The following SCFD2 variants were observed in gnomAD, a reference collection of about 807,000 sequenced individuals.
The protein encoded by SCFD2 is sec1 family domain containing 2.
In SCFD2, 54 loss-of-function variants were observed where a neutral mutation model predicts 58.9. The observed-to-expected ratio is 0.92, with a 90% CI of 0.74 to 1.15. The LOEUF (loss-of-function observed/expected upper bound fraction) is 1.15, where lower values mean the gene tolerates loss of function less well. Ranked by LOEUF, SCFD2 falls within the 50% of genes most tolerant of loss-of-function variation. The pLI, the probability that SCFD2 is intolerant of heterozygous loss-of-function variation, is 0.00. For missense variants in SCFD2, 805 were observed against 836.6 expected (o/e 0.96, Z 0.47); for synonymous variants, 321 against 335.9 (o/e 0.96, Z 0.49).
At chr4:53,202,002 T>C (rs1472669537) in intron 4 of SCFD2, among the ~76,000 whole-genome samples, 2 of 152,230 alleles carry the variant, frequency 1.3e-5, no homozygotes, top group Non-Finnish European at 2.9e-5. Flanking sequence ...GGTAGTTTCT[T>C]CTGCTGTGCA....
At chr4:53,237,966 A>C (rs1386024563) in intron 4 of SCFD2, among the ~76,000 whole-genome samples, 9 of 82,446 alleles carry the variant, frequency 1.1e-4, no homozygotes, top group South Asian at 4.5e-4. Context: ...TGACCCCCCC[A>C]CCTCCCTCCC....
At chr4:53,024,794 T>C (rs939812236) in intron 5 of SCFD2, among the ~76,000 whole-genome samples, 29 of 152,086 alleles carry the variant, frequency 1.9e-4, no homozygotes, top group African/African-American at 7.0e-4. Flanking sequence ...AGAGTCCCTT[T>C]AACTCTGGTC....
intron 4 of SCFD2, among the ~76,000 whole-genome samples, chr4:53,157,941 A>G (rs1264088365): frequency 6.6e-6 from 1 of 152,226 alleles, no homozygotes; most frequent in Admixed American, 6.5e-5. Context: ...CTTAATGTTC[A>G]TGTAAATTAT....
At chr4:52,973,204 C>T (rs561241934) in intron 5 of SCFD2, among the ~76,000 whole-genome samples, 1 of 152,154 alleles carries the variant, frequency 6.6e-6, no homozygotes, top group East Asian at 1.9e-4. Flanking sequence ...ACAAAAAACC[C>T]TTCAAAAAAA....
chr4:53,252,108 A>G (rs1433478978), intron 4 of SCFD2, among the ~76,000 whole-genome samples: 1 of 148,736 alleles, frequency 6.7e-6, no homozygotes, highest in Non-Finnish European at 1.5e-5. Flanking sequence ...ACAGAGAGCC[A>G]AATCATGAGT....
intron 5 of SCFD2, among the ~76,000 whole-genome samples, chr4:53,039,302 T>G (rs1010342007): frequency 2.0e-5 from 3 of 152,146 alleles, no homozygotes; most frequent in Non-Finnish European, 2.9e-5. Flanking sequence ...TGTTCTCTAC[T>G]CTCTTATTTC....
At chr4:53,243,847 A>C (rs1729978668) in intron 4 of SCFD2, among the ~76,000 whole-genome samples, 1 of 152,208 alleles carries the variant, frequency 6.6e-6, no homozygotes, top group Admixed American at 6.5e-5. Flanking sequence ...TTTCAATCCT[A>C]ATTTCAGACA....
intron 4 of SCFD2, among the ~76,000 whole-genome samples, chr4:53,238,075 G>C (rs565692720): frequency 7.7e-6 from 1 of 129,298 alleles, no homozygotes; most frequent in South Asian, 2.6e-4. Flanking sequence ...CCTCCCTCCC[G>C]GATGGGGCGG....
Position 53,253,272 on chromosome 4 carries a change from C to A in SCFD2, c.1311+20554G>T, listed in dbSNP as rs1730467678. Among the ~76,000 whole-genome samples, 3 of 152,264 alleles carry A rather than the reference C, an allele frequency of 2.0e-5. No homozygotes were observed. The South Asian group carries it at 6.2e-4, about 32-fold the overall frequency. On this transcript the variant is annotated intron_variant, in intron 4 of 8. Transcript: ENST00000401642. The stretch of plus-strand genomic sequence containing the variant: ...TGGAGAGGATGTGGAGAAATAGGAA[C>A]ACTTTTACACTGTTGGTGGGATTGT...
At position 53,130,337 on chromosome 4, in the gene SCFD2, C is replaced by T. The variant is rs574632769; in HGVS notation, c.1561+14996G>A. ...ATTGTTTAGATGTCAGTGACATTTTCATCTCTTTATAAGTAAAATATCAAA... is the reference window on the plus strand; with the variant it reads ...ATTGTTTAGATGTCAGTGACATTTTTATCTCTTTATAAGTAAAATATCAAA... On this transcript the variant is annotated intron_variant, in intron 5 of 8. Transcript: ENST00000401642. Among the ~76,000 whole-genome samples, 7 of 152,320 alleles carry T rather than the reference C, an allele frequency of 4.6e-5. No individual in the cohort carries two copies. The South Asian group carries it at 8.3e-4, about 18-fold the overall frequency.
rs538761873 is a variant in SCFD2 at position 53,070,771 on chromosome 4, G to T, written c.1561+74562C>A. On this transcript the variant is annotated intron_variant, in intron 5 of 8. Coordinates refer to ENST00000401642, the MANE Select transcript of SCFD2 (RefSeq NM_152540.4). ...AGAATAAAACGCCTGATTCCACTTTGAAACACTGTTTTCTTAGGTTTATAC... is the reference window on the plus strand; with the variant it reads ...AGAATAAAACGCCTGATTCCACTTTTAAACACTGTTTTCTTAGGTTTATAC... Among the ~76,000 whole-genome samples the T allele has an allele frequency of 1.3e-4, 20 of 151,978 alleles. 1 individual carries two copies. The highest frequency in any genetic ancestry group is 2.4e-4 in the Non-Finnish European group (16 of 67,964).
At chr4:52,893,831 C>T (rs1278757214) in intron 7 of SCFD2, among the ~76,000 whole-genome samples, 1 of 152,222 alleles carries the variant, frequency 6.6e-6, no homozygotes, top group Non-Finnish European at 1.5e-5. Flanking sequence ...ATGGGTCTCA[C>T]AGAACTGCCT....
At chr4:52,934,732 C>A (rs1056056735) in intron 5 of SCFD2, among the ~76,000 whole-genome samples, 1 of 152,070 alleles carries the variant, frequency 6.6e-6, no homozygotes, top group Non-Finnish European at 1.5e-5. Context: ...GAGAAATGCA[C>A]AAGGATATAA....
At chr4:53,363,220 C>G (rs1734596754) in intron 1 of SCFD2, among the ~76,000 whole-genome samples, 1 of 152,012 alleles carries the variant, frequency 6.6e-6, no homozygotes, top group Non-Finnish European at 1.5e-5. Context: ...ACTGCAACCT[C>G]TGCCTTCTGG....
rs992504072 is a variant in SCFD2, at chr4:52,968,480, T to C, written c.1562-47610A>G. Among the ~76,000 whole-genome samples, 5 of 152,174 alleles carry C rather than the reference T, an allele frequency of 3.3e-5. No homozygotes were observed. In the East Asian group the frequency reaches 9.6e-4, roughly 29 times the overall value. ...CTGTGGCCGTGGGGCAAATAGGTGA[T>C]CGGGTGTATGGGTGTGTGTGTGCAT... On this transcript the variant is annotated intron_variant, in intron 5 of 8. Coordinates refer to ENST00000401642, the MANE Select transcript of SCFD2 (RefSeq NM_152540.4).
chr4:53,358,515 T>C (rs1734461801), intron 1 of SCFD2, among the ~76,000 whole-genome samples: 1 of 150,268 alleles, frequency 6.7e-6, no homozygotes, highest in East Asian at 2.0e-4. Flanking sequence ...ATGGTGCCAT[T>C]GCACTCCAGC....
At chr4:53,276,728 A>T (rs1440850146) in intron 3 of SCFD2, among the ~76,000 whole-genome samples, 1 of 152,174 alleles carries the variant, frequency 6.6e-6, no homozygotes, top group Non-Finnish European at 1.5e-5. Flanking sequence ...TAGTTTAAGC[A>T]CATGTTTAAT....
chr4:52,912,045 T>C (rs982200650), intron 6 of SCFD2, among the ~76,000 whole-genome samples: 24 of 152,160 alleles, frequency 1.6e-4, no homozygotes, highest in Non-Finnish European at 4.4e-5. Flanking sequence ...ACCTTTCTTT[T>C]TTTTTCAAGC....
At chr4:52,961,541 G>T (rs1350498108) in intron 5 of SCFD2, among the ~76,000 whole-genome samples, 1 of 150,038 alleles carries the variant, frequency 6.7e-6, no homozygotes, top group African/African-American at 2.5e-5. Context: ...ATGTCAGGGT[G>T]TTCATGGAAT....
Sources: allele counts gnomAD v4.1 joint callset (sites outside exome capture counted in the v4.1 genomes callset), GRCh38; gene constraint gnomAD v4.1.1; transcripts MANE v1.5; gene names NCBI Gene and HGNC (gene_info 2026-07-23, HGNC 2026-07-21).